The following RRM1 variants were observed in gnomAD, a reference collection of about 807,000 sequenced individuals.
RRM1 encodes the protein ribonucleotide reductase catalytic subunit M1, also known as ribonucleoside-diphosphate reductase large subunit.
Under a neutral mutation model 101.5 loss-of-function variants are expected in RRM1, and 19 were observed. That is an observed-to-expected ratio of 0.19 (90% confidence interval 0.13 to 0.27). RRM1 has a LOEUF of 0.27. Ranked by LOEUF, RRM1 falls within the 10% of genes least tolerant of loss-of-function variation. The pLI, the probability that RRM1 is intolerant of heterozygous loss-of-function variation, is 1.00. For missense variants in RRM1, 500 were observed against 962.9 expected (o/e 0.52, Z 6.36); for synonymous variants, 298 against 323.4 (o/e 0.92, Z 0.84).
chr11:4,103,019 C>T (rs2094553598), intron 2 of RRM1, among the ~76,000 whole-genome samples: 2 of 151,988 alleles, frequency 1.3e-5, no homozygotes, highest in African/African-American at 4.8e-5. Flanking sequence ...TTTTCAAATC[C>T]ACCCATATTT....
intron 11 of RRM1, 78 bp downstream of exon 11, chr11:4,122,298 T>A: frequency 1.9e-6 from 2 of 1,072,748 alleles, no homozygotes; most frequent in Non-Finnish European, 2.8e-6. Context: ...ATATCAAAAG[T>A]ACTTGTCAAG....
At chr11:4,123,662 T>A (rs933521882) in intron 12 of RRM1, among the ~76,000 whole-genome samples, 2 of 152,222 alleles carry the variant, frequency 1.3e-5, no homozygotes, top group Non-Finnish European at 2.9e-5. Context: ...TATACAGTTA[T>A]GTTAGTTTAG....
At position 4,132,940 on chromosome 11, in the gene RRM1, A is replaced by C. The variant is rs2094602845; in HGVS notation, c.1905+519A>C. ...GATATCTTGAAGTAAAGTTCTGTAA[A>C]GTTCGAGAAGGATACGTTTCCAATT... On this transcript the variant is annotated intron_variant, in intron 16 of 18. Coordinates refer to ENST00000300738, the MANE Select transcript of RRM1 (RefSeq NM_001033.5). This position sits in a 1 kb window ranked among gnomAD's most constrained non-coding sequence, Gnocchi z 4.1. Among the ~76,000 whole-genome samples the C allele has an allele frequency of 6.6e-6, 1 of 152,214 alleles. No homozygotes were observed. The highest frequency in any genetic ancestry group is 2.4e-5 in the African/African-American group (1 of 41,452).
intron 9 of RRM1, 130 bp from the exon 10 acceptor site, chr11:4,121,474 T>G: frequency 1.8e-6 from 1 of 544,888 alleles, no homozygotes; most frequent in Non-Finnish European, 2.9e-6. Context: ...ACTTTTATAA[T>G]ACTTTTATTT....
In RRM1 at chr11:4,133,580, A is replaced by G. The variant is rs988267350; in HGVS notation, c.1923A>G (p.Leu641=). Residue 641 remains leucine, a synonymous_variant, in exon 17 of 19, where the codon TTA becomes TTG. Transcript: ENST00000300738. ...CCATTCAGATTGTAAATCCTCACTT[A>G]TTGAAAGATCTTACCGAGCGGGGCC... ...SGEFQIVNPH[L]LKDLTERGLW... is the part of the protein sequence containing the mutation. The G allele has an allele frequency of 1.6e-5, 25 of 1,608,926 alleles. No individual in the cohort carries two copies. The highest frequency in any genetic ancestry group is 2.0e-5 in the Non-Finnish European group (24 of 1,176,632).
chr11:4,123,204 C>T lies in RRM1; in HGVS notation c.1140C>T (p.Val380=). The change falls in exon 12 of 19, where the codon GTC becomes GTT. Residue 380 remains valine, a synonymous_variant. Coordinates refer to ENST00000300738, the MANE Select transcript of RRM1 (RefSeq NM_001033.5). ...LYASYEKQGR[V]RKVVKAQQLW... ...TCAGTTATGAGAAACAAGGTCGTGT[C>T]CGCAAAGTTGTAAAAGCTCAGCAGC... The T allele has an allele frequency of 6.2e-7, 1 of 1,613,988 alleles. No homozygotes were observed. Among genetic ancestry groups the T allele is most frequent in the African/African-American group, 1.3e-5 (1 of 74,978 alleles).
At chr11:4,113,102 G>GTT (rs1212689663) in intron 7 of RRM1, among the ~76,000 whole-genome samples, 2 of 141,100 alleles carry the variant, frequency 1.4e-5, no homozygotes, top group Non-Finnish European at 3.1e-5. Flanking sequence ...GAACACTAAC[G>GTT]GTCTGGTAAT....
At chr11:4,104,468 GT>G (rs1429391589) in intron 2 of RRM1, among the ~76,000 whole-genome samples, 2 of 152,100 alleles carry the variant, frequency 1.3e-5, no homozygotes, top group Admixed American at 6.6e-5. Context: ...CTTAGAATTT[GT>G]TTTTCTTAAA....
chr11:4,128,560 G>A (rs2094593781), intron 14 of RRM1, among the ~76,000 whole-genome samples: 2 of 152,160 alleles, frequency 1.3e-5, no homozygotes, highest in African/African-American at 4.8e-5. Context: ...TAAATAGCCT[G>A]TGCACCAAGG....
chr11:4,119,969 A>ATCACCTTTAGTTCT, intron 9 of RRM1, 41 bp downstream of exon 9: 5 of 1,195,528 alleles, frequency 4.2e-6, no homozygotes, highest in South Asian at 1.2e-5. Flanking sequence ...TCAGAACTAA[A>ATCACCTTTAGTTCT]GGTGATTTAG....
At chr11:4,118,548 G>T in intron 8 of RRM1, 87 bp downstream of exon 8, 1 of 1,398,508 alleles carries the variant, frequency 7.2e-7, no homozygotes, top group East Asian at 2.3e-5. Context: ...GCTATTTTTT[G>T]GGAGTCCTGG....
chr11:4,112,372 T>G (rs2091906), intron 7 of RRM1, among the ~76,000 whole-genome samples: 1 of 152,170 alleles, frequency 6.6e-6, no homozygotes, highest in South Asian at 2.1e-4. Flanking sequence ...TCCTTTTTTT[T>G]TTTGTTGTTG....
intron 14 of RRM1, among the ~76,000 whole-genome samples, chr11:4,128,236 C>G (rs2094593224): frequency 6.7e-6 from 1 of 149,066 alleles, no homozygotes; most frequent in Non-Finnish European, 1.5e-5. Context: ...TCTTAGATCA[C>G]TGCAACCTCT....
At chr11:4,101,924 C>G (rs1353959733) in intron 1 of RRM1, 69 bp from the exon 2 acceptor site, 7 of 829,964 alleles carry the variant, frequency 8.4e-6, no homozygotes, top group Non-Finnish European at 1.4e-5. Flanking sequence ...ACATTTGATT[C>G]TTTGACATTG....
intron 3 of RRM1, among the ~76,000 whole-genome samples, chr11:4,107,229 T>A (rs1252679614): frequency 6.6e-6 from 1 of 152,254 alleles, no homozygotes; most frequent in Non-Finnish European, 1.5e-5. Flanking sequence ...TTATAATCAC[T>A]TTAACTCTAG....
intron 7 of RRM1, among the ~76,000 whole-genome samples, chr11:4,116,993 A>G (rs2094574581): frequency 6.6e-6 from 1 of 152,152 alleles, no homozygotes; most frequent in African/African-American, 2.4e-5. Flanking sequence ...AAAGAAAAGA[A>G]AAACAGAAAG....
intron 14 of RRM1, 81 bp downstream of exon 14, chr11:4,127,337 C>T: frequency 1.3e-6 from 1 of 775,228 alleles, no homozygotes; most frequent in Non-Finnish European, 1.9e-6. Context: ...GATATGTCCA[C>T]ATCCTAATTC....
intron 1 of RRM1, 111 bp downstream of exon 1, chr11:4,095,142 C>A: frequency 1.5e-6 from 2 of 1,321,544 alleles, no homozygotes; most frequent in South Asian, 2.6e-5. Flanking sequence ...GCCTTTCCCG[C>A]ATTTCCCGCC....
intron 15 of RRM1, among the ~76,000 whole-genome samples, chr11:4,130,086 ATTTTTTTTTTTT>A (rs796657105): frequency 2.5e-4 from 25 of 99,426 alleles, no homozygotes; most frequent in Admixed American, 1.0e-3. Flanking sequence ...ATATATATAT[ATTTTTTTTTTTT>A]TTTTTTCCCC....
Sources: allele counts gnomAD v4.1 joint callset (sites outside exome capture counted in the v4.1 genomes callset), GRCh38; gene constraint gnomAD v4.1.1; non-coding constraint Gnocchi (gnomAD v3.1); transcripts MANE v1.5; gene names NCBI Gene and HGNC (gene_info 2026-07-23, HGNC 2026-07-21).